TTC23: variants seen among roughly 807,000 people sequenced by gnomAD.
TTC23 encodes the protein tetratricopeptide repeat domain 23.
In TTC23, 58 loss-of-function variants were observed where a neutral mutation model predicts 55.1. The ratio of observed to expected loss-of-function variants is 1.05; its 90% CI spans 0.85 to 1.31. The LOEUF (loss-of-function observed/expected upper bound fraction) is 1.31. Ranked by LOEUF, TTC23 falls within the 50% of genes most tolerant of loss-of-function variation. The pLI is 0.00. For missense variants in TTC23, 516 were observed against 534.4 expected, an observed-to-expected ratio of 0.97 and a Z score of 0.34; for synonymous variants, 203 against 199.9, an observed-to-expected ratio of 1.02 and a Z score of -0.13.
At chr15:99,159,776 CT>C (rs903507091) in intron 11 of TTC23, 2 of 152,224 alleles carry the variant, frequency 1.3e-5, no homozygotes, top group Non-Finnish European at 2.9e-5. Flanking sequence ...GTGGTCAGAT[CT>C]GCTTTTTGGA....
At chr15:99,188,921 C>T (rs189420521) in intron 9 of TTC23, among the ~76,000 whole-genome samples, 1 of 152,048 alleles carries the variant, frequency 6.6e-6, no homozygotes, top group East Asian at 1.9e-4. Flanking sequence ...AGTAGAATTC[C>T]AATAAGACAA....
intron 3 of TTC23, among the ~76,000 whole-genome samples, chr15:99,237,184 G>A (rs547110474): frequency 7.6e-4 from 116 of 152,086 alleles, no homozygotes; most frequent in Admixed American, 1.4e-3. Flanking sequence ...GTTTCACCAT[G>A]TTGGCCAGGC....
intron 10 of TTC23, among the ~76,000 whole-genome samples, chr15:99,167,334 T>A (rs1206191569): frequency 6.6e-6 from 1 of 152,188 alleles, no homozygotes; most frequent in African/African-American, 2.4e-5. Flanking sequence ...ACTTCTAGAA[T>A]CCTCTGCAAT....
chr15:99,147,611 A>G (rs1428064409), intron 12 of TTC23, among the ~76,000 whole-genome samples: 1 of 152,220 alleles, frequency 6.6e-6, no homozygotes, highest in Non-Finnish European at 1.5e-5. Context: ...CTGATTTACA[A>G]ACATCTTCAA....
At chr15:99,201,493 C>T (rs1043611842) in intron 8 of TTC23, among the ~76,000 whole-genome samples, 13 of 152,178 alleles carry the variant, frequency 8.5e-5, no homozygotes, top group East Asian at 5.8e-4. Flanking sequence ...ATTATTTTCA[C>T]CTCAACCACT....
chr15:99,228,834 T>A, intron 4 of TTC23, 102 bp from the exon 5 acceptor site: 1 of 940,980 alleles, frequency 1.1e-6, no homozygotes, highest in Non-Finnish European at 1.5e-6. Flanking sequence ...TTGAAATTAG[T>A]AGCATTATAT....
chr15:99,224,844 T>C (rs932603870), intron 5 of TTC23, among the ~76,000 whole-genome samples: 20 of 152,222 alleles, frequency 1.3e-4, no homozygotes, highest in African/African-American at 4.8e-4. Context: ...TTCTCCTTGA[T>C]TTAGTCCACA....
At chr15:99,236,103 T>G (rs1016847505) in intron 3 of TTC23, among the ~76,000 whole-genome samples, 1 of 152,234 alleles carries the variant, frequency 6.6e-6, no homozygotes, top group African/African-American at 2.4e-5. Context: ...TGAACATTAA[T>G]GTACAAGTAT....
chr15:99,142,024 C>G (rs1399244380), intron 12 of TTC23, among the ~76,000 whole-genome samples: 1 of 152,184 alleles, frequency 6.6e-6, no homozygotes, highest in East Asian at 1.9e-4. Flanking sequence ...CTGGCCTAGG[C>G]AATGGGCTGA....
intron 9 of TTC23, among the ~76,000 whole-genome samples, chr15:99,183,762 T>C (rs944086426): frequency 1.3e-5 from 2 of 152,190 alleles, no homozygotes; most frequent in South Asian, 2.1e-4. Context: ...AAATTCAAGC[T>C]GTCTGCAGAA....
upstream of TTC23, chr15:99,251,078 G>C (rs1199540827): frequency 6.6e-6 from 1 of 152,044 alleles, no homozygotes; most frequent in Non-Finnish European, 1.5e-5. Flanking sequence ...ATGAGAAGCC[G>C]AGTGACTGAA....
chr15:99,157,230 T>TTTA (rs57354863), intron 11 of TTC23: 2 of 139,916 alleles, frequency 1.4e-5, no homozygotes, highest in Non-Finnish European at 3.1e-5. Context: ...TTTTTTTTTT[T>TTTA]AGACAGAGTC....
intron 2 of TTC23, among the ~76,000 whole-genome samples, chr15:99,245,042 T>C (rs1209050614): frequency 6.6e-6 from 1 of 152,206 alleles, no homozygotes. Context: ...GGTAATTATG[T>C]CAAGTGATGA....
chr15:99,145,682 G>C (rs200386000), intron 12 of TTC23, among the ~76,000 whole-genome samples: 1 of 151,934 alleles, frequency 6.6e-6, no homozygotes, highest in African/African-American at 2.4e-5. Flanking sequence ...CTCTCTCTCT[G>C]TCTCTGTCTC....
intron 8 of TTC23, among the ~76,000 whole-genome samples, chr15:99,203,623 C>T (rs2076370594): frequency 1.3e-5 from 2 of 152,118 alleles, no homozygotes; most frequent in Non-Finnish European, 2.9e-5. Flanking sequence ...TCATCTCCCA[C>T]TCCCTACTCC....
intron 11 of TTC23, chr15:99,160,965 A>G (rs1269073611): frequency 1.4e-5 from 2 of 146,120 alleles, no homozygotes; most frequent in African/African-American, 5.1e-5. Flanking sequence ...GTGAGCTGAG[A>G]TTGCACCACT....
At chr15:99,231,562 G>A (rs1453379587) in intron 4 of TTC23, among the ~76,000 whole-genome samples, 3 of 152,094 alleles carry the variant, frequency 2.0e-5, no homozygotes, top group Non-Finnish European at 4.4e-5. Context: ...GCACGATCTC[G>A]GCTCACTGCA....
chr15:99,188,821 A>G (rs1396361010), intron 9 of TTC23, among the ~76,000 whole-genome samples: 1 of 152,086 alleles, frequency 6.6e-6, no homozygotes, highest in East Asian at 1.9e-4. Context: ...CTTTGTTGAA[A>G]CAGGTTGTGG....
chr15:99,170,883 G>A (rs1182452083), intron 10 of TTC23, among the ~76,000 whole-genome samples: 2 of 152,234 alleles, frequency 1.3e-5, no homozygotes, highest in African/African-American at 4.8e-5. Flanking sequence ...CGTGCAACAC[G>A]TGCTGGCCTG....
Sources: allele counts gnomAD v4.1 joint callset (sites outside exome capture counted in the v4.1 genomes callset), GRCh38; gene constraint gnomAD v4.1.1; transcripts MANE v1.5; gene names NCBI Gene and HGNC (gene_info 2026-07-23, HGNC 2026-07-21).